RALY: variants seen among roughly 807,000 people sequenced by gnomAD.
RALY encodes RNA-binding protein Raly.
A neutral mutation model predicts 30.7 loss-of-function variants in RALY; 15 were observed. The ratio of observed to expected loss-of-function variants is 0.49; its 90% CI spans 0.33 to 0.75. The LOEUF (loss-of-function observed/expected upper bound fraction) is 0.75. Ranked by LOEUF, RALY falls within the 30% of genes least tolerant of loss-of-function variation. The probability of loss-of-function intolerance (pLI) is 0.02; values close to 1 mark genes in which losing one functional copy is unlikely to be tolerated. For synonymous variants in RALY, 177 were observed against 170.8 expected (o/e 1.04, Z -0.28); for missense variants, 339 against 414.3 (o/e 0.82, Z 1.58).
In RALY at chr20:34,083,972, C is replaced by T. The variant is rs1002256888; in HGVS notation, c.*4067C>T. The T allele has an allele frequency of 6.6e-6, 1 of 152,236 alleles. No individual in the cohort carries two copies. The highest frequency in any genetic ancestry group is 2.4e-5 in the African/African-American group (1 of 41,464). The allele number at this position is 152,236 out of a possible 1,614,324, so 9.4% of individuals were successfully genotyped here. A position where few individuals can be genotyped will look rare whatever the true frequency, so the allele number is the denominator to read the frequency against. On this transcript the variant is annotated 3_prime_UTR_variant, in exon 10 of 10. Transcript: ENST00000246194. ...TAACAGTAAACCATTTCCTGAACAC[C>T]TGCTGTTAAAAAGCACATTTTACAT...
chr20:34,013,452 A>C (rs1243227267), intron 1 of RALY, among the ~76,000 whole-genome samples: 1 of 150,992 alleles, frequency 6.6e-6, no homozygotes. Context: ...TTCGACTTAC[A>C]GTATTTTCAG....
chr20:34,063,734 G>T (rs2033485407), intron 2 of RALY, among the ~76,000 whole-genome samples: 2 of 152,166 alleles, frequency 1.3e-5, no homozygotes. Flanking sequence ...AGAATAAGGG[G>T]ATCAAAGAGG....
chr20:34,028,890 G>T (rs1327204695), intron 1 of RALY, among the ~76,000 whole-genome samples: 2 of 151,988 alleles, frequency 1.3e-5, no homozygotes, highest in Non-Finnish European at 2.9e-5. Context: ...GAAAGCCCAC[G>T]GTAGAAGTAA....
chr20:34,078,647 C>T, intron 9 of RALY, 94 bp downstream of exon 9: 1 of 1,220,322 alleles, frequency 8.2e-7, no homozygotes, highest in Admixed American at 2.8e-5. Context: ...TGTCACGAAG[C>T]ATACCTGGCC....
intron 2 of RALY, among the ~76,000 whole-genome samples, chr20:34,047,958 C>T (rs942619795): frequency 6.6e-6 from 1 of 152,126 alleles, no homozygotes; most frequent in African/African-American, 2.4e-5. Context: ...AAGTTCAGAC[C>T]CCAGAAATGT....
intron 1 of RALY, chr20:34,017,685 T>C (rs1329048841): frequency 2.6e-5 from 4 of 152,264 alleles, no homozygotes; most frequent in African/African-American, 9.6e-5. Flanking sequence ...GTTTCTGAAC[T>C]GGCCTTGTGC....
intron 2 of RALY, among the ~76,000 whole-genome samples, chr20:34,044,598 G>A (rs1173961618): frequency 6.6e-6 from 1 of 152,140 alleles, no homozygotes; most frequent in East Asian, 1.9e-4. Flanking sequence ...TCGGCCTCCC[G>A]AAGCTGGGAT....
In RALY at chr20:34,016,272, A is replaced by G. The variant is rs530460460; in HGVS notation, c.-92-15250A>G. On this transcript the variant is annotated intron_variant, in intron 1 of 9. Transcript: ENST00000246194. ...AGGAAATGTTCTTTGCTGACAGCCAAGCTAGCAGACTGTTAGGAAGTTGGA... is the reference window on the plus strand; with the variant it reads ...AGGAAATGTTCTTTGCTGACAGCCAGGCTAGCAGACTGTTAGGAAGTTGGA... Among the ~76,000 whole-genome samples, 4 of 152,358 alleles carry G rather than the reference A, an allele frequency of 2.6e-5. No homozygotes were observed. The East Asian group carries it at 5.8e-4, about 22-fold the overall frequency.
At chr20:34,073,730 C>T in intron 4 of RALY, 89 bp from the exon 5 acceptor site, 1 of 1,548,356 alleles carries the variant, frequency 6.5e-7, no homozygotes. Context: ...GAATCTAGAA[C>T]TTGGGGAGGT....
rs568633192 is a variant in RALY at position 34,041,982 on chromosome 20, G to A, written c.-10+10378G>A. On this transcript the variant is annotated intron_variant, in intron 2 of 9. Transcript: ENST00000246194. ...TAGCTAGGCATGGTGGCATGGGTCT[G>A]TAATCCCAGCTATTCAGGAGGCTGA... Among the ~76,000 whole-genome samples the A allele has an allele frequency of 7.3e-4, 111 of 152,270 alleles. 1 individual carries two copies. The highest frequency in any genetic ancestry group is 2.5e-3 in the African/African-American group (105 of 41,556).
intron 1 of RALY, among the ~76,000 whole-genome samples, chr20:34,011,720 A>G (rs544174672): frequency 6.6e-6 from 1 of 152,336 alleles, no homozygotes; most frequent in Admixed American, 6.5e-5. Context: ...TGTTTTGCAG[A>G]TGAAACTAAG....
chr20:34,006,631 A>AT (rs139231784), intron 1 of RALY, among the ~76,000 whole-genome samples: 13,376 of 149,076 alleles, frequency 0.09, 1,861 homozygotes, highest in African/African-American at 0.3. Flanking sequence ...TTGTAATACC[A>AT]TTTTTTTTTT....
At chr20:34,026,199 C>A (rs1347816449) in intron 1 of RALY, among the ~76,000 whole-genome samples, 1 of 151,774 alleles carries the variant, frequency 6.6e-6, no homozygotes, top group Non-Finnish European at 1.5e-5. Context: ...AGCAACTTGT[C>A]GATAAGTGTT....
chr20:34,049,933 A>C (rs140637237), intron 2 of RALY, among the ~76,000 whole-genome samples: 136 of 152,324 alleles, frequency 8.9e-4, no homozygotes, highest in African/African-American at 3.1e-3. Context: ...AAATGCAGAG[A>C]ATGTCTGCTG....
At chr20:34,048,579 G>A (rs111377378) in intron 2 of RALY, among the ~76,000 whole-genome samples, 9 of 152,246 alleles carry the variant, frequency 5.9e-5, no homozygotes, top group South Asian at 2.1e-4. Context: ...CTCTGCGGCC[G>A]GGCGTGGTGG....
chr20:34,028,037 A>T (rs916873081), intron 1 of RALY, among the ~76,000 whole-genome samples: 6 of 152,158 alleles, frequency 3.9e-5, no homozygotes, highest in Non-Finnish European at 8.8e-5. Flanking sequence ...CACACCTGTG[A>T]TCCCAGCACT....
intron 1 of RALY, among the ~76,000 whole-genome samples, chr20:34,025,414 T>A (rs544402977): frequency 6.6e-6 from 1 of 152,010 alleles, no homozygotes; most frequent in Non-Finnish European, 1.5e-5. Flanking sequence ...TTTTTCTGCC[T>A]CAGCCTCTGG....
intron 8 of RALY, chr20:34,077,570 G>C (rs1346408052): frequency 6.8e-6 from 3 of 443,058 alleles, no homozygotes; most frequent in Non-Finnish European, 1.2e-5. Flanking sequence ...TCAGAGCAGG[G>C]CTGGGGTGGC....
rs554687502 is a variant in RALY at position 34,005,293 on chromosome 20, T to C, written c.-93+11162T>C. The stretch of plus-strand genomic sequence containing the variant: ...TTGGGAGGCTGAGGCAGGCAGATCA[T>C]GAGGTCAGGAGATCGAGACCATCCT... On this transcript the variant is annotated intron_variant, in intron 1 of 9. Coordinates refer to ENST00000246194, the MANE Select transcript of RALY (RefSeq NM_016732.3). Among the ~76,000 whole-genome samples, 8 of 152,218 alleles carry C rather than the reference T, an allele frequency of 5.3e-5. No homozygotes were observed. In the Middle Eastern group the frequency reaches 0.014, roughly 259 times the overall value.
Sources: allele counts gnomAD v4.1 joint callset (sites outside exome capture counted in the v4.1 genomes callset), GRCh38; gene constraint gnomAD v4.1.1; transcripts MANE v1.5; gene names NCBI Gene and HGNC (gene_info 2026-07-23, HGNC 2026-07-21).